Variants in SSBP3 observed in about 807,000 individuals in gnomAD.
SSBP3 encodes the protein single stranded DNA binding protein 3, also known as single-stranded DNA-binding protein 3.
SSBP3 carries 5 observed loss-of-function variants against 69.6 expected under a neutral mutation model. That is an observed-to-expected ratio of 0.07 (90% CI 0.04 to 0.15). The LOEUF is 0.15. SSBP3 is among the 10% of genes least tolerant of loss of function. The pLI, the probability that SSBP3 is intolerant of heterozygous loss-of-function variation, is 1.00. For missense variants in SSBP3, 312 were observed against 534.0 expected (o/e 0.58, Z 4.10); for synonymous variants, 196 against 193.4 (o/e 1.01, Z -0.11).
At chr1:54,397,291 T>C (rs1415879998) in intron 4 of SSBP3, among the ~76,000 whole-genome samples, 1 of 151,996 alleles carries the variant, frequency 6.6e-6, no homozygotes, top group Non-Finnish European at 1.5e-5. Context: ...CCCGAAAGGG[T>C]TCTGGCAGGC....
At chr1:54,312,400 G>GC (rs1646019630) in intron 4 of SSBP3, among the ~76,000 whole-genome samples, 1 of 151,884 alleles carries the variant, frequency 6.6e-6, no homozygotes, top group East Asian at 1.9e-4. Flanking sequence ...GACCAGCCTG[G>GC]CCAACATGGT....
At chr1:54,408,061 A>G (rs1353389624), upstream of SSBP3, among the ~76,000 whole-genome samples, 6 of 152,122 alleles carry the variant, frequency 3.9e-5, no homozygotes, top group Non-Finnish European at 5.9e-5. Context: ...GTTCTACTCA[A>G]TGTAACAACC....
intron 4 of SSBP3, among the ~76,000 whole-genome samples, chr1:54,314,770 C>T (rs539979261): frequency 2.4e-4 from 37 of 152,142 alleles, no homozygotes; most frequent in Admixed American, 1.2e-3. Flanking sequence ...AGTGAGCACC[C>T]GGTCAACTGG....
At chr1:54,239,085 T>C (rs1483273871) in intron 14 of SSBP3, 44 bp downstream of exon 14, 3 of 1,519,202 alleles carry the variant, frequency 2.0e-6, no homozygotes, top group Non-Finnish European at 2.7e-6. Context: ...TAATTATGAT[T>C]TGTTATGGTG....
intron 4 of SSBP3, among the ~76,000 whole-genome samples, chr1:54,345,084 C>G (rs1230522458): frequency 1.3e-5 from 2 of 152,156 alleles, no homozygotes; most frequent in African/African-American, 4.8e-5. Flanking sequence ...TGCGGAAATT[C>G]TCCTGATACA....
chr1:54,405,904 G>T, intron 1 of SSBP3, 49 bp downstream of exon 1: 1 of 390,212 alleles, frequency 2.6e-6, no homozygotes. Context: ...CCGCCCGCCC[G>T]CCCGCAGCCC....
chr1:54,349,769 T>C (rs1415359949), intron 4 of SSBP3, among the ~76,000 whole-genome samples: 1 of 151,766 alleles, frequency 6.6e-6, no homozygotes. Flanking sequence ...TTTCAAGAAA[T>C]GCCTCCCGCT....
intron 4 of SSBP3, among the ~76,000 whole-genome samples, chr1:54,301,318 C>T (rs923063902): frequency 6.6e-6 from 1 of 152,182 alleles, no homozygotes; most frequent in Non-Finnish European, 1.5e-5. Flanking sequence ...AGACCAGCAG[C>T]AGCAGCACGC....
intron 4 of SSBP3, among the ~76,000 whole-genome samples, chr1:54,368,288 CAAA>C (rs57721486): frequency 4.3e-5 from 3 of 69,034 alleles, no homozygotes; most frequent in East Asian, 3.9e-4. Flanking sequence ...GACTCCATCT[CAAA>C]AAAAAAAAAA....
chr1:54,278,408 C>T (rs1645330158), intron 5 of SSBP3, among the ~76,000 whole-genome samples: 1 of 151,882 alleles, frequency 6.6e-6, no homozygotes, highest in Admixed American at 6.6e-5. Context: ...CTACCAGAGA[C>T]ATCTCATGCC....
At chr1:54,404,684 G>A in intron 2 of SSBP3, 47 bp from the exon 3 acceptor site, 2 of 1,607,196 alleles carry the variant, frequency 1.2e-6, no homozygotes, top group East Asian at 2.2e-5. Flanking sequence ...GAGACGGGGT[G>A]GGCTGGGGGC....
At chr1:54,411,081 A>G (rs1287058262), upstream of SSBP3, among the ~76,000 whole-genome samples, 1 of 152,270 alleles carries the variant, frequency 6.6e-6, no homozygotes, top group Non-Finnish European at 1.5e-5. Context: ...ACAGGCTTCA[A>G]GTATGGAATG....
At chr1:54,236,879 G>C (rs1644504421) in intron 14 of SSBP3, 1 of 152,234 alleles carries the variant, frequency 6.6e-6, no homozygotes, top group African/African-American at 2.4e-5. Context: ...CTTTGTGACA[G>C]TGTCGGGTAC....
intron 4 of SSBP3, among the ~76,000 whole-genome samples, chr1:54,282,999 G>C (rs897616408): frequency 6.6e-6 from 1 of 152,168 alleles, no homozygotes; most frequent in South Asian, 2.1e-4. Context: ...GGGCGTGGTG[G>C]CTCACTCCTG....
At chr1:54,308,464 G>A (rs575299763) in intron 4 of SSBP3, among the ~76,000 whole-genome samples, 5 of 152,248 alleles carry the variant, frequency 3.3e-5, no homozygotes, top group South Asian at 2.1e-4. Flanking sequence ...AGCCAGGCGC[G>A]GTGGCGGGTA....
chr1:54,292,516 C>T (rs1350093017), intron 4 of SSBP3, among the ~76,000 whole-genome samples: 1 of 152,156 alleles, frequency 6.6e-6, no homozygotes, highest in Non-Finnish European at 1.5e-5. Context: ...TCAGTTCCCC[C>T]AAGAACACTC....
intron 5 of SSBP3, among the ~76,000 whole-genome samples, chr1:54,278,182 G>A (rs781205798): frequency 1.3e-5 from 2 of 152,136 alleles, no homozygotes; most frequent in Non-Finnish European, 1.5e-5. Context: ...TTCCTGTTAG[G>A]CCCTCCCTGA....
intron 4 of SSBP3, among the ~76,000 whole-genome samples, chr1:54,293,494 G>GA (rs1645645192): frequency 6.6e-6 from 1 of 152,164 alleles, no homozygotes; most frequent in South Asian, 2.1e-4. Flanking sequence ...AACATTTATT[G>GA]GGGTCCCATT....
At chr1:54,404,531 T>C (rs1403629342) in intron 3 of SSBP3, 45 bp downstream of exon 3, 1 of 1,607,326 alleles carries the variant, frequency 6.2e-7, no homozygotes, top group South Asian at 1.1e-5. Context: ...GACCCAGGGC[T>C]CACAACAAAA....
Sources: allele counts gnomAD v4.1 joint callset (sites outside exome capture counted in the v4.1 genomes callset), GRCh38; gene constraint gnomAD v4.1.1; transcripts MANE v1.5; gene names NCBI Gene and HGNC (gene_info 2026-07-23, HGNC 2026-07-21).